TXNRD3: variants seen among roughly 807,000 people sequenced by gnomAD.
The protein encoded by TXNRD3 is thioredoxin reductase 3.
In TXNRD3, 68 loss-of-function variants were observed where a neutral mutation model predicts 78.2. The observed-to-expected ratio is 0.87, with a 90% CI of 0.72 to 1.06. The LOEUF is 1.06. Ranked by LOEUF, TXNRD3 falls within the 50% of genes least tolerant of loss-of-function variation. TXNRD3 has a pLI of 0.00. For missense variants in TXNRD3, 751 were observed against 809.5 expected, an observed-to-expected ratio of 0.93 and a Z score of 0.88; for synonymous variants, 296 against 300.1, an observed-to-expected ratio of 0.99 and a Z score of 0.14.
chr3:126,641,232 G>A (rs985915378), intron 6 of TXNRD3, among the ~76,000 whole-genome samples: 1 of 151,800 alleles, frequency 6.6e-6, no homozygotes, highest in African/African-American at 2.4e-5. Flanking sequence ...GTTTTTTTCT[G>A]CTTGCTACTT....
intron 3 of TXNRD3, among the ~76,000 whole-genome samples, chr3:126,644,989 T>C (rs1294368828): frequency 1.3e-5 from 2 of 152,200 alleles, no homozygotes; most frequent in African/African-American, 4.8e-5. Flanking sequence ...TTAGATGATG[T>C]TAGAGGTTCG....
At chr3:126,651,138 G>A (rs963691449) in intron 1 of TXNRD3, among the ~76,000 whole-genome samples, 1 of 152,162 alleles carries the variant, frequency 6.6e-6, no homozygotes, top group Non-Finnish European at 1.5e-5. Context: ...AATTTTGGGG[G>A]ATACATTTAA....
chr3:126,621,404 T>C (rs992505417), intron 12 of TXNRD3, among the ~76,000 whole-genome samples: 4 of 152,176 alleles, frequency 2.6e-5, no homozygotes, highest in Non-Finnish European at 2.9e-5. Context: ...AAACATCCCT[T>C]CAGTGTCCCT....
intron 7 of TXNRD3, 125 bp from the exon 8 acceptor site, chr3:126,632,004 A>G: frequency 1.5e-6 from 1 of 648,092 alleles, no homozygotes; most frequent in Non-Finnish European, 2.7e-6. Context: ...TGAAAAAGTA[A>G]TAATGCAATG....
chr3:126,649,361 G>T (rs1343468225), intron 1 of TXNRD3, among the ~76,000 whole-genome samples: 3 of 152,228 alleles, frequency 2.0e-5, no homozygotes, highest in Admixed American at 6.5e-5. Flanking sequence ...TGGTGAGGAT[G>T]CAGAGAAACT....
chr3:126,638,068 C>A (rs368220917), intron 6 of TXNRD3, among the ~76,000 whole-genome samples: 1 of 149,916 alleles, frequency 6.7e-6, no homozygotes, highest in African/African-American at 2.5e-5. Context: ...CTCAACCTCC[C>A]GAGTAGCTGG....
intron 6 of TXNRD3, among the ~76,000 whole-genome samples, chr3:126,634,843 T>G (rs1429869180): frequency 2.0e-5 from 3 of 152,104 alleles, no homozygotes; most frequent in Non-Finnish European, 4.4e-5. Context: ...AATTACCCCA[T>G]CTATCACTGT....
chr3:126,619,410 A>G (rs1938390995), intron 12 of TXNRD3, among the ~76,000 whole-genome samples: 1 of 152,256 alleles, frequency 6.6e-6, no homozygotes, highest in Non-Finnish European at 1.5e-5. Context: ...ATTCATAGCA[A>G]CATGAATGAG....
intron 5 of TXNRD3, among the ~76,000 whole-genome samples, chr3:126,642,549 A>G (rs1319307880): frequency 6.6e-6 from 1 of 152,174 alleles, no homozygotes; most frequent in Non-Finnish European, 1.5e-5. Flanking sequence ...GGTCACATTT[A>G]CTCTGAGTCC....
Position 126,629,440 on chromosome 3 carries a change from T to A in TXNRD3, c.1229A>T (p.Lys410Met), listed in dbSNP as rs1167320313. ...AGTGGATTTAGCCAACACTTTCAGC[T>A]TTCCAGGTGAACCTTTCTCCAACTG... Residue 410 changes from lysine to methionine, a missense_variant, in exon 10 of 16, where the codon AAG (lysine) becomes ATG (methionine). Transcript: ENST00000524230. 6.5e-7 allele frequency: 1 copy of A among 1,535,484 alleles called. No individual in the cohort carries two copies. Among genetic ancestry groups the A allele is most frequent in the Non-Finnish European group, 8.7e-7 (1 of 1,146,548 alleles).
rs182306079 is a variant in TXNRD3, at chr3:126,627,393, T to C, written c.1290+1986A>G. 2.8e-3 allele frequency among the ~76,000 whole-genome samples: 424 copies of C among 152,220 alleles called. 2 individuals are homozygous for C. The highest frequency in any genetic ancestry group is 5.2e-3 in the Non-Finnish European group (356 of 67,996). ...TGACAGAATCAGAATAGTGGTTGCT[T>C]GGGGGTCGATGACTGGGAAAAAGCA... On this transcript the variant is annotated intron_variant, in intron 10 of 15. Coordinates refer to ENST00000524230, the MANE Select transcript of TXNRD3 (RefSeq NM_052883.3).
At chr3:126,612,237 C>CA (rs1369003471) in intron 13 of TXNRD3, among the ~76,000 whole-genome samples, 1 of 152,054 alleles carries the variant, frequency 6.6e-6, no homozygotes, top group Non-Finnish European at 1.5e-5. Flanking sequence ...GGGGTGTCGC[C>CA]ATGTTGCCCC....
At chr3:126,638,847 T>C (rs1407323945) in intron 6 of TXNRD3, among the ~76,000 whole-genome samples, 1 of 152,222 alleles carries the variant, frequency 6.6e-6, no homozygotes, top group African/African-American at 2.4e-5. Flanking sequence ...ATTCAGCACT[T>C]AGAACAGAAT....
intron 12 of TXNRD3, among the ~76,000 whole-genome samples, chr3:126,619,939 G>A (rs774397283): frequency 2.4e-4 from 36 of 152,104 alleles, no homozygotes; most frequent in Non-Finnish European, 3.7e-4. Flanking sequence ...AGACTTAAGC[G>A]TCATAAGAGC....
intron 12 of TXNRD3, among the ~76,000 whole-genome samples, chr3:126,621,530 C>T (rs1208416914): frequency 6.6e-6 from 1 of 152,214 alleles, no homozygotes. Context: ...TGACCATGGC[C>T]AGTGCTTTGT....
At chr3:126,652,568 T>A (rs769558641) in intron 1 of TXNRD3, among the ~76,000 whole-genome samples, 3 of 152,258 alleles carry the variant, frequency 2.0e-5, no homozygotes, top group Non-Finnish European at 4.4e-5. Context: ...CAAGTGGAGT[T>A]TGCACCTTCT....
intron 14 of TXNRD3, among the ~76,000 whole-genome samples, chr3:126,610,128 A>C (rs901395980): frequency 6.6e-6 from 1 of 152,156 alleles, no homozygotes; most frequent in Admixed American, 6.5e-5. Flanking sequence ...GGATGACTTC[A>C]CCATTCAGGC....
At chr3:126,623,852 C>CAAAAAAAAAAA (rs4021853) in intron 10 of TXNRD3, among the ~76,000 whole-genome samples, 2 of 112,010 alleles carry the variant, frequency 1.8e-5, no homozygotes, top group Non-Finnish European at 3.5e-5. Flanking sequence ...GAAACAAGGC[C>CAAAAAAAAAAA]AAAAAAAAAA....
intron 1 of TXNRD3, among the ~76,000 whole-genome samples, chr3:126,654,390 T>C (rs1933459135): frequency 6.6e-6 from 1 of 152,160 alleles, no homozygotes; most frequent in African/African-American, 2.4e-5. Context: ...CATTTGTCCT[T>C]AGAAATAATG....
Sources: allele counts gnomAD v4.1 joint callset (sites outside exome capture counted in the v4.1 genomes callset), GRCh38; gene constraint gnomAD v4.1.1; transcripts MANE v1.5; gene names NCBI Gene and HGNC (gene_info 2026-07-23, HGNC 2026-07-21).